The following UVSSA variants were observed in gnomAD, a reference collection of about 807,000 sequenced individuals.
UVSSA encodes the protein UV-stimulated scaffold protein A.
Under a neutral mutation model 73.9 loss-of-function variants are expected in UVSSA, and 72 were observed. The ratio of observed to expected loss-of-function variants is 0.97; its 90% CI spans 0.81 to 1.19. UVSSA has a LOEUF of 1.19. Ranked by LOEUF, UVSSA falls within the 50% of genes most tolerant of loss-of-function variation. The pLI is 0.00. For missense variants in UVSSA, 1,150 were observed against 965.0 expected, an observed-to-expected ratio of 1.19 and a Z score of -2.54; for synonymous variants, 454 against 391.3, an observed-to-expected ratio of 1.16 and a Z score of -1.89.
intron 8 of UVSSA, among the ~76,000 whole-genome samples, chr4:1,372,280 T>C (rs111607498): frequency 3.9e-5 from 6 of 152,354 alleles, no homozygotes; most frequent in African/African-American, 1.4e-4. Context: ...TGAATCTGTT[T>C]AGTTAACGGT....
At chr4:1,354,896 C>T in intron 6 of UVSSA, 49 bp downstream of exon 6, 4 of 1,484,922 alleles carry the variant, frequency 2.7e-6, no homozygotes, top group Admixed American at 1.9e-5. Context: ...GTGCAGAGTG[C>T]CATGCATGGG....
intron 12 of UVSSA, among the ~76,000 whole-genome samples, chr4:1,383,136 C>T (rs1037885572): frequency 2.0e-5 from 3 of 152,184 alleles, no homozygotes; most frequent in Non-Finnish European, 2.9e-5. Context: ...CCCTCACTGC[C>T]ACAGGGCCTC....
intron 11 of UVSSA, chr4:1,380,555 G>A: frequency 8.3e-7 from 1 of 1,204,744 alleles, no homozygotes; most frequent in Non-Finnish European, 1.1e-6. Flanking sequence ...GTGAGGAGAG[G>A]CCAGGGGGCC....
chr4:1,383,700 G>C, intron 12 of UVSSA, 66 bp from the exon 13 acceptor site: 1 of 1,598,188 alleles, frequency 6.3e-7, no homozygotes, highest in South Asian at 1.1e-5. Context: ...CCCCTCCTGG[G>C]GGCCTCGGGT....
At chr4:1,352,668 A>G (rs1560426529) in intron 4 of UVSSA, among the ~76,000 whole-genome samples, 1 of 152,236 alleles carries the variant, frequency 6.6e-6, no homozygotes, top group Admixed American at 6.5e-5. Flanking sequence ...AGTGCAGCAC[A>G]CGACTGGGCG....
chr4:1,349,962 C>T, intron 3 of UVSSA, 108 bp downstream of exon 3: 1 of 1,106,048 alleles, frequency 9.0e-7, no homozygotes, highest in Non-Finnish European at 1.2e-6. Flanking sequence ...CAGCAGGGGC[C>T]TGCTTGGCCT....
chr4:1,378,775 G>T (rs945180992), intron 10 of UVSSA, among the ~76,000 whole-genome samples: 2 of 152,200 alleles, frequency 1.3e-5, no homozygotes, highest in Admixed American at 1.3e-4. Flanking sequence ...TTGGCCGGGC[G>T]GTCAGGCACC....
chr4:1,385,963 G>C lies in UVSSA; in HGVS notation c.*2G>C. 2 of 1,613,966 alleles carry C rather than the reference G, an allele frequency of 1.2e-6. No individual in the cohort carries two copies. Among genetic ancestry groups the C allele is most frequent in the Non-Finnish European group, 1.7e-6 (2 of 1,180,028 alleles). ...CAGTTTAACTACGCACTGAACTAGA[G>C]AGCGGGGCCCAGTGCACTGGCCATC... On this transcript the variant is annotated 3_prime_UTR_variant, in exon 14 of 14. Coordinates refer to ENST00000389851, the MANE Select transcript of UVSSA (RefSeq NM_020894.4).
intron 6 of UVSSA, 69 bp from the exon 7 acceptor site, chr4:1,355,048 C>T: frequency 6.3e-7 from 1 of 1,587,608 alleles, no homozygotes; most frequent in Non-Finnish European, 8.6e-7. Flanking sequence ...TGGCATGTGC[C>T]TCCCAGCAGG....
chr4:1,370,827 G>T (rs77977532), intron 8 of UVSSA, among the ~76,000 whole-genome samples: 2,327 of 152,328 alleles, frequency 0.015, 68 homozygotes, highest in African/African-American at 0.051. Context: ...CCCGAGTTCT[G>T]TGAGCCCTTT....
chr4:1,394,361 G>A (rs1386184574), exon 14 of UVSSA: 1 of 1,318,252 alleles, frequency 7.6e-7, no homozygotes. Context: ...GATTATATTT[G>A]AAATGTTTTC....
At chr4:1,348,262 C>T in intron 2 of UVSSA, 73 bp downstream of exon 2, 1 of 1,172,332 alleles carries the variant, frequency 8.5e-7, no homozygotes, top group Middle Eastern at 2.0e-4. Flanking sequence ...CCCTGCCCTC[C>T]TGCCCCCACC....
At chr4:1,390,034 CTTCT>C (rs1720370469), downstream of UVSSA, 1 of 151,984 alleles carries the variant, frequency 6.6e-6, no homozygotes, top group South Asian at 2.1e-4. Context: ...TTTATTTTCT[CTTCT>C]TTTTCTTGTT....
exon 14 of UVSSA, chr4:1,394,162 G>A (rs1027445797): frequency 2.8e-5 from 12 of 422,734 alleles, no homozygotes; most frequent in Non-Finnish European, 4.3e-5. Flanking sequence ...TTCCTCTCGG[G>A]CACACACACA....
chr4:1,351,977 CG>C, intron 4 of UVSSA, 142 bp downstream of exon 4: 1 of 1,358,060 alleles, frequency 7.4e-7, no homozygotes, highest in African/African-American at 1.5e-5. Context: ...CAGGTCGGGC[CG>C]GAAGGCGTTC....
chr4:1,355,085 G>T, intron 6 of UVSSA, 32 bp from the exon 7 acceptor site: 4 of 1,610,412 alleles, frequency 2.5e-6, no homozygotes, highest in Non-Finnish European at 2.5e-6. Flanking sequence ...TGCCCGGCCG[G>T]CCCCTGAGCT....
chr4:1,382,321 C>T (rs1410430357), intron 12 of UVSSA, among the ~76,000 whole-genome samples: 3 of 152,230 alleles, frequency 2.0e-5, no homozygotes, highest in African/African-American at 2.4e-5. Flanking sequence ...TATCAGGCCG[C>T]GGGCTGCGGC....
chr4:1,366,276 C>A, intron 7 of UVSSA, 44 bp from the exon 8 acceptor site: 1 of 1,497,636 alleles, frequency 6.7e-7, no homozygotes, highest in Non-Finnish European at 9.1e-7. Context: ...TGTGTTCATA[C>A]ACAGGGTCTG....
chr4:1,363,289 G>C (rs1470552782), intron 7 of UVSSA, among the ~76,000 whole-genome samples: 1 of 152,168 alleles, frequency 6.6e-6, no homozygotes, highest in African/African-American at 2.4e-5. Flanking sequence ...CATCAGCGCT[G>C]ATTTAAGAAC....
Sources: gnomAD v4.1 joint callset for allele counts (sites outside exome capture counted in the v4.1 genomes callset) on GRCh38, gnomAD v4.1.1 for gene constraint, MANE v1.5 for transcripts, NCBI Gene and HGNC (gene_info 2026-07-23, HGNC 2026-07-21) for gene names.